The following DNMT3B variants were observed in gnomAD, a reference collection of about 807,000 sequenced individuals.
DNMT3B encodes the protein DNA (cytosine-5)-methyltransferase 3B.
Under a neutral mutation model 120.2 loss-of-function variants are expected in DNMT3B, and 37 were observed. The observed-to-expected ratio is 0.31, with a 90% CI of 0.24 to 0.40. The LOEUF (loss-of-function observed/expected upper bound fraction) is 0.40. Among genes scored for constraint, DNMT3B ranks in the 10% least tolerant of loss-of-function variants. DNMT3B has a pLI of 1.00. For missense variants in DNMT3B, 878 were observed against 1,137.3 expected (o/e 0.77, Z 3.28); for synonymous variants, 412 against 442.8 (o/e 0.93, Z 0.87).
At position 32,793,786 on chromosome 20, in the gene DNMT3B, A is replaced by T. The variant is rs548024609; in HGVS notation, c.1126+191A>T. Among the ~76,000 whole-genome samples, 11 of 152,250 alleles carry T rather than the reference A, an allele frequency of 7.2e-5. No individual in the cohort carries two copies. The South Asian group carries it at 1.9e-3, about 26-fold the overall frequency. ...TTAACGTTGGGTTGCACATCCTTCC[A>T]GATTTTTCTGAACACTAGTTGGATT... On this transcript the variant is annotated intron_variant, in intron 10 of 22. Coordinates refer to ENST00000328111, the MANE Select transcript of DNMT3B (RefSeq NM_006892.4).
In DNMT3B at chr20:32,793,595, G is replaced by A. The variant is rs201681031; in HGVS notation, c.1126G>A (p.Glu376Lys). ...TAGGAAATTAGAATCAAGGAAATAC[G>A]GTATTTCCTTCCTGTCTTTTGACTG... ...GSRKLESRKY[E>K]NKTRRRTADD... The change falls in exon 10 of 23, where the codon GAG becomes AAG. Residue 376 changes from glutamate to lysine, a missense_variant and splice_region_variant. By Grantham distance (56) the Glu-to-Lys change is moderately conservative (BLOSUM62 1). Transcript: ENST00000328111. The A allele has an allele frequency of 8.1e-6, 13 of 1,613,276 alleles. No individual in the cohort carries two copies. Among genetic ancestry groups the A allele is most frequent in the African/African-American group, 2.7e-5 (2 of 74,826 alleles).
intron 1 of DNMT3B, among the ~76,000 whole-genome samples, chr20:32,763,742 C>A (rs970084941): frequency 1.2e-4 from 19 of 152,192 alleles, no homozygotes; most frequent in African/African-American, 4.3e-4. Flanking sequence ...CAGGTCTTGC[C>A]CGCGCCTCCA....
At chr20:32,782,401 A>G (rs1483352961) in intron 3 of DNMT3B, among the ~76,000 whole-genome samples, 3 of 152,254 alleles carry the variant, frequency 2.0e-5, no homozygotes, top group African/African-American at 4.8e-5. Flanking sequence ...GCATTTGCCA[A>G]TGAAAAACCT....
chr20:32,807,988 G>T lies in DNMT3B; in HGVS notation c.*85G>T. ...ATTCCTGAAGGCATCCCCAGGCCCT[G>T]CTCTTCCTCAGCTGTGTGGGTCATA... On this transcript the variant is annotated 3_prime_UTR_variant, in exon 23 of 23. Transcript: ENST00000328111. The T allele has an allele frequency of 1.2e-6, 2 of 1,608,338 alleles. No homozygotes were observed. Among genetic ancestry groups the T allele is most frequent in the Non-Finnish European group, 1.7e-6 (2 of 1,176,944 alleles).
chr20:32,792,908 G>C, intron 9 of DNMT3B, 138 bp downstream of exon 9: 1 of 1,339,352 alleles, frequency 7.5e-7, no homozygotes, highest in Non-Finnish European at 1.0e-6. Context: ...TGGAAAAATA[G>C]GAGCAGGCAT....
intron 7 of DNMT3B, among the ~76,000 whole-genome samples, chr20:32,790,881 C>T (rs1017183024): frequency 1.1e-4 from 17 of 152,132 alleles, no homozygotes; most frequent in Non-Finnish European, 8.8e-5. Context: ...CCAGGCTAGT[C>T]GAACTCCTGG....
chr20:32,792,969 T>C (rs1980162582), intron 9 of DNMT3B, among the ~76,000 whole-genome samples, 199 bp downstream of exon 9: 1 of 152,268 alleles, frequency 6.6e-6, no homozygotes, highest in South Asian at 2.1e-4. Context: ...TTCTTGCTGA[T>C]GGTCACGTGC....
Position 32,786,516 on chromosome 20 carries a change from TAAC to T in DNMT3B, c.326_328del (p.Asn109del). ...CTTGCTTCTAGGTCCGAACTCGAAA[TAAC>T]AACAGTGTCTCCAGCCGGGAGAGGC... On this transcript the variant is annotated inframe_deletion, in exon 5 of 23. Transcript: ENST00000328111. The T allele has an allele frequency of 1.2e-6, 2 of 1,614,042 alleles. No homozygotes were observed. The highest frequency in any genetic ancestry group is 1.7e-6 in the Non-Finnish European group (2 of 1,180,038).
At chr20:32,770,371 C>T (rs1987646988) in intron 1 of DNMT3B, among the ~76,000 whole-genome samples, 2 of 152,148 alleles carry the variant, frequency 1.3e-5, no homozygotes, top group Non-Finnish European at 1.5e-5. Context: ...TCACCGCAAC[C>T]TCTGCCTCCC....
Position 32,762,397 on chromosome 20 carries a change from T to G in DNMT3B, c.-309T>G, listed in dbSNP as rs925523575. On this transcript the variant is annotated 5_prime_UTR_variant, in exon 1 of 23. Transcript: ENST00000328111. ...CCGCCCCCTCCCCACCCACTCCCGC[T>G]GCCCCGTCCGGCCCGCGCCGCTTCC... is the stretch of plus-strand genomic sequence containing the variant. The G allele has an allele frequency of 2.6e-5, 4 of 153,936 alleles. No homozygotes were observed. Among genetic ancestry groups the G allele is most frequent in the African/African-American group, 7.2e-5 (3 of 41,418 alleles). The allele number at this position is 153,936 out of a possible 1,614,324, so 9.5% of individuals were successfully genotyped here. A position where few individuals can be genotyped will look rare whatever the true frequency, so the allele number is the denominator to read the frequency against.
chr20:32,797,284 A>C lies in DNMT3B; in HGVS notation c.1475A>C (p.Asn492Thr). 1 of 1,614,094 alleles carries C rather than the reference A, an allele frequency of 6.2e-7. No homozygotes were observed. The highest frequency in any genetic ancestry group is 8.5e-7 in the Non-Finnish European group (1 of 1,179,966). ...CEGRELLLCS[N>T]TSCCRCFCVE... Reference sequence around the variant, plus strand: ...GGCCGAGAGCTGCTGCTTTGCAGCAACACGAGCTGCTGCCGGTGAGCACTG... The same window carrying C: ...GGCCGAGAGCTGCTGCTTTGCAGCACCACGAGCTGCTGCCGGTGAGCACTG... The change falls in exon 14 of 23, where the codon AAC becomes ACC. Residue 492 changes from asparagine (N) to threonine (T), a missense_variant. By Grantham distance (65) the Asn-to-Thr change is moderately conservative. Coordinates refer to ENST00000328111, the MANE Select transcript of DNMT3B (RefSeq NM_006892.4).
At position 32,799,281 on chromosome 20, in the gene DNMT3B, G is replaced by T. The variant is rs778795266; in HGVS notation, c.1712G>T (p.Arg571Leu). 1.9e-6 allele frequency: 3 copies of T among 1,613,470 alleles called. No homozygotes were observed. The highest frequency in any genetic ancestry group is 2.5e-6 in the Non-Finnish European group (3 of 1,179,812). ...PKLYPAIPAA[R>L]RRPIRVLSLF... is the part of the protein sequence containing the mutation. ...CTGTACCCTGCCATTCCCGCAGCCC[G>T]AAGGCGGCCCATTCGAGTCCTGTCA... Residue 571 changes from arginine to leucine, a missense_variant, in exon 16 of 23, where the codon CGA (arginine) becomes CTA (leucine). By Grantham distance (102) the Arg-to-Leu change is moderately radical. Coordinates refer to ENST00000328111, the MANE Select transcript of DNMT3B (RefSeq NM_006892.4).
chr20:32,792,718 G>C lies in DNMT3B; in HGVS notation c.1014G>C (p.Gly338=), dbSNP rs1980124702. The change falls in exon 9 of 23, where the codon GGG becomes GGC. Residue 338 remains glycine, a synonymous_variant. Transcript: ENST00000328111. ...AGCCCATGTTGGAGTGGGCCCACGG[G>C]GGCTTCAAGCCCACTGGGATCGAGG... ...QLKPMLEWAH[G]GFKPTGIEGL... is the part of the protein sequence containing the mutation. 1 of 1,614,238 alleles carries C rather than the reference G, an allele frequency of 6.2e-7. No individual in the cohort carries two copies.
intron 4 of DNMT3B, among the ~76,000 whole-genome samples, chr20:32,786,202 C>T (rs937414280): frequency 6.6e-6 from 1 of 152,226 alleles, no homozygotes; most frequent in Non-Finnish European, 1.5e-5. Context: ...TTTTATTTTT[C>T]AATCCCAATT....
At chr20:32,769,377 A>T (rs2145851911) in intron 1 of DNMT3B, among the ~76,000 whole-genome samples, 1 of 152,260 alleles carries the variant, frequency 6.6e-6, no homozygotes, top group Admixed American at 6.5e-5. Context: ...GTGAGCCACC[A>T]TGCCGGGCCC....
In DNMT3B at chr20:32,799,306, A is replaced by C; in HGVS notation, c.1737A>C (p.Ser579=). The change falls in exon 16 of 23, where the codon TCA becomes TCC. Residue 579 remains serine (S), a synonymous_variant. Transcript: ENST00000328111. ...AARRRPIRVL[S]LFDGIATGYL... is the part of the protein sequence containing the mutation. ...GAAGGCGGCCCATTCGAGTCCTGTC[A>C]TTGTTTGATGGCATCGCGACAGGTG... 3.1e-6 allele frequency: 5 copies of C among 1,613,420 alleles called. No individual in the cohort carries two copies. Among genetic ancestry groups the C allele is most frequent in the Non-Finnish European group, 4.2e-6 (5 of 1,179,792 alleles).
At chr20:32,798,028 A>G (rs936378442) in intron 14 of DNMT3B, among the ~76,000 whole-genome samples, 1 of 151,904 alleles carries the variant, frequency 6.6e-6, no homozygotes. Context: ...GCTGGTCTCA[A>G]ATCCCTGGGG....
intron 1 of DNMT3B, among the ~76,000 whole-genome samples, chr20:32,771,602 C>T (rs1213999476): frequency 2.0e-5 from 3 of 147,230 alleles, no homozygotes; most frequent in African/African-American, 7.8e-5. Flanking sequence ...TGCCATTGCA[C>T]TCCAGCCTGG....
chr20:32,790,920 C>G (rs2078450487), intron 7 of DNMT3B, among the ~76,000 whole-genome samples: 1 of 152,294 alleles, frequency 6.6e-6, no homozygotes, highest in Middle Eastern at 3.4e-3. Context: ...ACTCCCACTC[C>G]CAAAGTGCTG....
Sources: allele counts gnomAD v4.1 joint callset (sites outside exome capture counted in the v4.1 genomes callset), GRCh38; gene constraint gnomAD v4.1.1; transcripts MANE v1.5; gene names NCBI Gene and HGNC (gene_info 2026-07-23, HGNC 2026-07-21).